PCDH7: variants seen among roughly 807,000 people sequenced by gnomAD.
PCDH7 encodes protocadherin 7, also known as protocadherin-7.
A neutral mutation model predicts 58.9 loss-of-function variants in PCDH7; 17 were observed. The ratio of observed to expected loss-of-function variants is 0.29; its 90% CI spans 0.20 to 0.43. The LOEUF (loss-of-function observed/expected upper bound fraction) is 0.43, where lower values mean the gene tolerates loss of function less well. PCDH7 is among the 20% of genes least tolerant of loss of function. The pLI is 1.00. For synonymous variants in PCDH7, 664 were observed against 616.4 expected, an observed-to-expected ratio of 1.08 and a Z score of -1.14; for missense variants, 1,274 against 1,441.0, an observed-to-expected ratio of 0.88 and a Z score of 1.88.
intron 1 of PCDH7, among the ~76,000 whole-genome samples, chr4:30,754,186 GTGTT>G (rs944379685): frequency 4.3e-5 from 6 of 140,612 alleles, no homozygotes; most frequent in African/African-American, 1.8e-4. Context: ...GTGTGTGTGT[GTGTT>G]TTTTCTGGAG....
chr4:31,012,362 A>G (rs1753263387), intron 3 of PCDH7, among the ~76,000 whole-genome samples: 1 of 151,118 alleles, frequency 6.6e-6, no homozygotes, highest in African/African-American at 2.4e-5. Context: ...TCCTCTGACT[A>G]CTAAATATAG....
At chr4:30,984,541 G>C (rs947176897) in intron 3 of PCDH7, among the ~76,000 whole-genome samples, 5 of 152,120 alleles carry the variant, frequency 3.3e-5, no homozygotes, top group Admixed American at 3.3e-4. Context: ...AACTCTAAAG[G>C]CTGTGATTCT....
At chr4:31,010,866 A>C (rs1424675788) in intron 3 of PCDH7, among the ~76,000 whole-genome samples, 1 of 152,026 alleles carries the variant, frequency 6.6e-6, no homozygotes, top group African/African-American at 2.4e-5. Context: ...ATATTTTAAA[A>C]AATAAAAAGA....
At position 30,722,466 on chromosome 4, in the gene PCDH7, G is replaced by A. The variant is rs747035692; in HGVS notation, c.1044G>A (p.Gly348=). The A allele has an allele frequency of 1.5e-5, 24 of 1,610,084 alleles. No individual in the cohort carries two copies. Among genetic ancestry groups the A allele is most frequent in the Non-Finnish European group, 2.0e-5 (24 of 1,178,638 alleles). Reference sequence around the variant, plus strand: ...ACGGGCAGATCGAATACGTGTTCGGGGCGGCCACCGAGTCGGTGAGGCGGC... The same window carrying A: ...ACGGGCAGATCGAATACGTGTTCGGAGCGGCCACCGAGTCGGTGAGGCGGC... Residue 348 remains glycine, a synonymous_variant, in exon 1 of 2, where the codon GGG becomes GGA. Transcript: ENST00000361762. This position sits in a 1 kb window ranked among gnomAD's most constrained non-coding sequence, Gnocchi z 7.6.
intron 1 of PCDH7, among the ~76,000 whole-genome samples, chr4:30,842,586 G>A (rs1731360896): frequency 6.6e-6 from 1 of 152,136 alleles, no homozygotes; most frequent in African/African-American, 2.4e-5. Context: ...TTGGATGGAT[G>A]TGTGAATTAA....
chr4:30,968,191 C>T (rs999869653), intron 3 of PCDH7, among the ~76,000 whole-genome samples: 9 of 149,188 alleles, frequency 6.0e-5, no homozygotes, highest in African/African-American at 1.7e-4. Flanking sequence ...GTTTAGCTTC[C>T]AGTAATAAAA....
At chr4:30,828,574 G>T (rs1395313620) in intron 1 of PCDH7, among the ~76,000 whole-genome samples, 1 of 151,678 alleles carries the variant, frequency 6.6e-6, no homozygotes, top group Non-Finnish European at 1.5e-5. Flanking sequence ...AAAAAAAAAA[G>T]GTAATGAAAA....
intron 3 of PCDH7, among the ~76,000 whole-genome samples, chr4:31,106,201 G>A (rs535135557): frequency 4.3e-4 from 66 of 152,128 alleles, no homozygotes; most frequent in African/African-American, 1.5e-3. Flanking sequence ...TCAAAGCTCT[G>A]CCATTGACTT....
chr4:31,113,447 A>T (rs970324092), intron 3 of PCDH7, among the ~76,000 whole-genome samples: 1 of 152,222 alleles, frequency 6.6e-6, no homozygotes, highest in Non-Finnish European at 1.5e-5. Flanking sequence ...AGAATATAAA[A>T]GATCCTCATG....
chr4:30,855,442 T>A (rs1204756934), intron 1 of PCDH7, among the ~76,000 whole-genome samples: 2 of 152,118 alleles, frequency 1.3e-5, no homozygotes, highest in African/African-American at 4.8e-5. Flanking sequence ...AGCTGGCCAG[T>A]GGGCACTGCT....
intron 2 of PCDH7, among the ~76,000 whole-genome samples, chr4:30,925,334 T>C (rs981468600): frequency 1.4e-4 from 22 of 152,146 alleles, no homozygotes; most frequent in Admixed American, 1.4e-3. Flanking sequence ...CTCTCTCCTT[T>C]TCTCCTGTCT....
intron 1 of PCDH7, among the ~76,000 whole-genome samples, chr4:30,887,979 A>T (rs993759887): frequency 5.9e-5 from 9 of 151,542 alleles, no homozygotes; most frequent in Admixed American, 5.3e-4. Flanking sequence ...GGGTGCAAGC[A>T]ATTCTTCTGC....
At chr4:30,831,750 C>T (rs1729811436) in intron 1 of PCDH7, among the ~76,000 whole-genome samples, 1 of 152,072 alleles carries the variant, frequency 6.6e-6, no homozygotes, top group South Asian at 2.1e-4. Flanking sequence ...TTCATACCAG[C>T]TACTGAAACA....
intron 1 of PCDH7, among the ~76,000 whole-genome samples, chr4:30,822,963 AG>A (rs1390645926): frequency 6.6e-6 from 1 of 152,168 alleles, no homozygotes; most frequent in Non-Finnish European, 1.5e-5. Flanking sequence ...CGGGAAAAAA[AG>A]TAAGCATTAA....
chr4:30,922,135 A>G (rs1309890882), intron 2 of PCDH7, among the ~76,000 whole-genome samples: 1 of 151,510 alleles, frequency 6.6e-6, no homozygotes, highest in Non-Finnish European at 1.5e-5. Flanking sequence ...TATGTGTGAT[A>G]TATGTAATAT....
At chr4:30,941,171 A>G (rs1471355275) in intron 2 of PCDH7, among the ~76,000 whole-genome samples, 1 of 151,976 alleles carries the variant, frequency 6.6e-6, no homozygotes, top group African/African-American at 2.4e-5. Context: ...GTATTTTAAA[A>G]ATAAATTAAA....
intron 3 of PCDH7, among the ~76,000 whole-genome samples, chr4:30,959,210 G>A (rs1162990707): frequency 6.6e-6 from 1 of 151,534 alleles, no homozygotes; most frequent in Admixed American, 6.6e-5. Flanking sequence ...TATAAATTGA[G>A]GGGTGCAAAA....
rs138317883 is a variant in PCDH7, at chr4:30,721,875, G to A, written c.453G>A (p.Thr151=). 3.1e-6 allele frequency: 5 copies of A among 1,601,864 alleles called. No homozygotes were observed. In the African/African-American group the frequency reaches 5.4e-5, roughly 17 times the overall value. ...TCCCGTCGCCCGTGCTCACGCTCAC[G>A]GTGGAGGAGAATCGGCCGGTGGGCA... Residue 151 remains threonine, a synonymous_variant, in exon 1 of 2, where the codon ACG becomes ACA. Coordinates refer to ENST00000361762, the Ensembl canonical transcript of PCDH7. This position sits in a 1 kb window ranked among gnomAD's most constrained non-coding sequence, Gnocchi z 6.7.
At chr4:30,786,310 T>G (rs1455220829) in intron 1 of PCDH7, among the ~76,000 whole-genome samples, 2 of 152,024 alleles carry the variant, frequency 1.3e-5, no homozygotes, top group Non-Finnish European at 2.9e-5. Context: ...CTTAGGGATG[T>G]GCAAGTTGTA....
Sources: allele counts gnomAD v4.1 joint callset (sites outside exome capture counted in the v4.1 genomes callset), GRCh38; gene constraint gnomAD v4.1.1; non-coding constraint Gnocchi (gnomAD v3.1); transcripts MANE v1.5; gene names NCBI Gene and HGNC (gene_info 2026-07-23, HGNC 2026-07-21).